The following PDIA4 variants were observed in gnomAD, a reference collection of about 807,000 sequenced individuals.
PDIA4 encodes protein disulfide isomerase family A member 4, also known as protein disulfide-isomerase A4.
PDIA4 carries 33 observed loss-of-function variants against 62.1 expected under a neutral mutation model. The ratio of observed to expected loss-of-function variants is 0.53; its 90% CI spans 0.40 to 0.71. The LOEUF is 0.71. Among genes scored for constraint, PDIA4 ranks in the 30% least tolerant of loss-of-function variants. The pLI is 0.00. For missense variants in PDIA4, 804 were observed against 813.6 expected (o/e 0.99, Z 0.14); for synonymous variants, 341 against 324.1 (o/e 1.05, Z -0.56).
chr7:149,010,476 C>CA (rs1823907820), intron 6 of PDIA4, among the ~76,000 whole-genome samples: 1 of 26,326 alleles, frequency 3.8e-5, no homozygotes, highest in East Asian at 1.9e-3. Context: ...CCTGGGCAAT[C>CA]AGAGTGAGAT....
At position 149,012,037 on chromosome 7, in the gene PDIA4, C is replaced by T. The variant is rs370665535; in HGVS notation, c.821-33G>A. ...CAGGGCACACGCCTGAGCAGGGGCACTAAGAACTGCCCACTTCCCATGGCC... is the reference window on the plus strand; with the variant it reads ...CAGGGCACACGCCTGAGCAGGGGCATTAAGAACTGCCCACTTCCCATGGCC... On this transcript the variant is annotated intron_variant, in intron 5 of 9. Transcript: ENST00000652332. The T allele has an allele frequency of 2.8e-4, 454 of 1,596,464 alleles. 1 individual carries two copies. The highest frequency in any genetic ancestry group is 3.7e-4 in the Non-Finnish European group (438 of 1,169,934).
chr7:149,012,482 G>C, intron 4 of PDIA4, 122 bp from the exon 5 acceptor site: 2 of 784,776 alleles, frequency 2.5e-6, no homozygotes, highest in South Asian at 1.6e-5. Flanking sequence ...GTAAGCCTCC[G>C]AATGCCTCCT....
intron 1 of PDIA4, among the ~76,000 whole-genome samples, chr7:149,027,083 G>C (rs1824584574): frequency 1.3e-5 from 2 of 152,184 alleles, no homozygotes; most frequent in Non-Finnish European, 2.9e-5. Flanking sequence ...CACCCACACT[G>C]GTCCTCAACT....
At position 149,022,257 on chromosome 7, in the gene PDIA4, CCT is replaced by C. The variant is rs140679426; in HGVS notation, c.89-1112_89-1111del. On this transcript the variant is annotated intron_variant, in intron 1 of 9. Coordinates refer to ENST00000652332, the MANE Select transcript of PDIA4 (RefSeq NM_004911.5). ...ATCTCATTTTACTTATAAAGGCACC[CCT>C]GAGTAATTTCCAGGATAACAAATAT... 5.8e-3 allele frequency among the ~76,000 whole-genome samples: 879 copies of C among 152,168 alleles called. 6 individuals are homozygous for C. Among genetic ancestry groups the C allele is most frequent in the African/African-American group, 0.02 (843 of 41,506 alleles).
At chr7:149,020,883 C>G (rs1159758198) in intron 2 of PDIA4, 84 bp downstream of exon 2, 18 of 1,526,320 alleles carry the variant, frequency 1.2e-5, no homozygotes, top group African/African-American at 1.4e-5. Flanking sequence ...ACCCCACCCC[C>G]CAAGGTCTGG....
chr7:149,007,950 C>T (rs770556034), intron 7 of PDIA4, among the ~76,000 whole-genome samples: 2 of 152,240 alleles, frequency 1.3e-5, no homozygotes, highest in Non-Finnish European at 2.9e-5. Context: ...GCCAGGTGTG[C>T]GGGAGCCCCA....
chr7:149,009,621 T>C (rs1014897488), intron 6 of PDIA4, among the ~76,000 whole-genome samples: 2 of 152,216 alleles, frequency 1.3e-5, no homozygotes, highest in African/African-American at 2.4e-5. Flanking sequence ...GAGGGCACCC[T>C]ACCACAGGGC....
At chr7:149,021,512 CTT>C in intron 1 of PDIA4, among the ~76,000 whole-genome samples, 1 of 117,172 alleles carries the variant, frequency 8.5e-6, no homozygotes, top group African/African-American at 3.2e-5. Context: ...AAAAAAAAAA[CTT>C]TCCTAAAATT....
In PDIA4 at chr7:149,004,184, G is replaced by T. The variant is rs768526388; in HGVS notation, c.1548C>A (p.Ser516=). ...CCTTGTTGTTCTTGGGCACTGGCTGGGATTTGATGACTGGCTTCAGTTTTC... is the reference window on the plus strand; with the variant it reads ...CCTTGTTGTTCTTGGGCACTGGCTGTGATTTGATGACTGGCTTCAGTTTTC... The part of the protein sequence containing the change: ...KKGKLKPVIK[S]QPVPKNNKGP... The change falls in exon 10 of 10, where the codon TCC becomes TCA. Residue 516 remains serine (S), a synonymous_variant. Coordinates refer to ENST00000652332, the MANE Select transcript of PDIA4 (RefSeq NM_004911.5). 29 of 1,612,838 alleles carry T rather than the reference G, an allele frequency of 1.8e-5. No individual in the cohort carries two copies. Among genetic ancestry groups the T allele is most frequent in the Non-Finnish European group, 2.2e-5 (26 of 1,179,058 alleles).
At chr7:149,027,844 CA>C (rs1165624614) in intron 1 of PDIA4, 2 of 472,510 alleles carry the variant, frequency 4.2e-6, no homozygotes, top group Admixed American at 4.7e-5. Flanking sequence ...TCCAAATCTA[CA>C]GACCACATTT....
chr7:149,018,949 G>T, intron 3 of PDIA4, 43 bp downstream of exon 3: 2 of 1,445,218 alleles, frequency 1.4e-6, no homozygotes, highest in South Asian at 1.1e-5. Flanking sequence ...CCCATTCCCT[G>T]CGGGAAGGAG....
rs1253560699 is a variant in PDIA4, at chr7:149,005,218, C to G, written c.1445G>C (p.Ser482Thr). Residue 482 changes from serine to threonine, a missense_variant, in exon 9 of 10, where the codon AGT becomes ACT. By Grantham distance (58) the Ser-to-Thr change is moderately conservative. Coordinates refer to ENST00000652332, the MANE Select transcript of PDIA4 (RefSeq NM_004911.5). ...TGGCTCCATGGCGAACTTCTTCCCA[C>G]TCTCGTCCAGGATGGCGGCATTGAC... ...EDVNAAILDE[S>T]GKKFAMEPEE... 1 of 1,614,194 alleles carries G rather than the reference C, an allele frequency of 6.2e-7. No individual in the cohort carries two copies. Among genetic ancestry groups the G allele is most frequent in the East Asian group, 2.2e-5 (1 of 44,884 alleles).
chr7:149,014,144 G>A (rs1198435983), intron 4 of PDIA4, among the ~76,000 whole-genome samples: 1 of 152,152 alleles, frequency 6.6e-6, no homozygotes, highest in African/African-American at 2.4e-5. Context: ...TCAGGTTTGG[G>A]CTTATCCAGG....
intron 2 of PDIA4, 34 bp downstream of exon 2, chr7:149,020,933 T>C: frequency 6.2e-7 from 1 of 1,608,508 alleles, no homozygotes. Flanking sequence ...GCACAGCGCT[T>C]GTCCACCTGC....
chr7:149,014,824 C>A (rs1824073871), intron 4 of PDIA4, 80 bp downstream of exon 4: 3 of 1,387,924 alleles, frequency 2.2e-6, no homozygotes, highest in East Asian at 2.3e-5. Flanking sequence ...GCTGTTCCTG[C>A]CTCACGGGCA....
intron 7 of PDIA4, among the ~76,000 whole-genome samples, chr7:149,007,789 G>A (rs1031285602): frequency 6.6e-6 from 1 of 152,262 alleles, no homozygotes; most frequent in Non-Finnish European, 1.5e-5. Flanking sequence ...AACACGACTT[G>A]GCCTCAACGG....
chr7:149,012,103 G>C, intron 5 of PDIA4, 52 bp downstream of exon 5: 2 of 1,610,064 alleles, frequency 1.2e-6, no homozygotes, highest in Non-Finnish European at 8.5e-7. Context: ...GCAGCTTCCT[G>C]TTAGGGAGTT....
At position 149,005,960 on chromosome 7, in the gene PDIA4, A is replaced by T; in HGVS notation, c.1225T>A (p.Tyr409Asn). Residue 409 changes from tyrosine (Y) to asparagine (N), a missense_variant, in exon 8 of 10, where the codon TAC (tyrosine) becomes AAC (asparagine). Transcript: ENST00000652332. Reference sequence around the variant, plus strand: ...ACGACCACCAGGGGGCGCCTGGTGTAGCGCTTAGCATCGTTTGACACCTTG... The same window carrying T: ...ACGACCACCAGGGGGCGCCTGGTGTTGCGCTTAGCATCGTTTGACACCTTG... ...HRKVSNDAKRYTRRPLVVVYY... is the reference protein window; with the variant it reads ...HRKVSNDAKRNTRRPLVVVYY... 6.5e-7 allele frequency: 1 copy of T among 1,535,236 alleles called. No homozygotes were observed. The highest frequency in any genetic ancestry group is 8.7e-7 in the Non-Finnish European group (1 of 1,152,638).
At chr7:149,013,226 C>A (rs1824015166) in intron 4 of PDIA4, among the ~76,000 whole-genome samples, 1 of 152,074 alleles carries the variant, frequency 6.6e-6, no homozygotes, top group South Asian at 2.1e-4. Context: ...CCAGCCTGGG[C>A]AACAGAGCAG....
Sources: allele counts gnomAD v4.1 joint callset (sites outside exome capture counted in the v4.1 genomes callset), GRCh38; gene constraint gnomAD v4.1.1; transcripts MANE v1.5; gene names NCBI Gene and HGNC (gene_info 2026-07-23, HGNC 2026-07-21).